The following PRKG1 variants were observed in gnomAD, a reference collection of about 807,000 sequenced individuals.
PRKG1 encodes the protein protein kinase cGMP-dependent 1.
Under a neutral mutation model 88.1 loss-of-function variants are expected in PRKG1, and 35 were observed. The ratio of observed to expected loss-of-function variants is 0.40; its 90% confidence interval spans 0.30 to 0.53. PRKG1 has a LOEUF of 0.53. Among genes scored for constraint, PRKG1 ranks in the 20% least tolerant of loss-of-function variants. The pLI, the probability that PRKG1 is intolerant of heterozygous loss-of-function variation, is 0.59. For missense variants in PRKG1, 540 were observed against 839.8 expected (o/e 0.64, Z 4.41); for synonymous variants, 303 against 292.5 (o/e 1.04, Z -0.37).
At chr10:51,910,371 C>T (rs1332031467) in intron 5 of PRKG1, 1 of 152,122 alleles carries the variant, frequency 6.6e-6, no homozygotes, top group Non-Finnish European at 1.5e-5. Context: ...GGATCTGTCT[C>T]TTTTCTTCTA....
chr10:51,561,354 A>G (rs777934552), intron 3 of PRKG1, among the ~76,000 whole-genome samples: 14 of 152,058 alleles, frequency 9.2e-5, no homozygotes, highest in Admixed American at 7.2e-4. Context: ...ATTAAAAAAG[A>G]AAAACAGATT....
intron 9 of PRKG1, among the ~76,000 whole-genome samples, chr10:52,167,621 T>A (rs1292188919): frequency 7.4e-6 from 1 of 134,910 alleles, no homozygotes; most frequent in Non-Finnish European, 1.7e-5. Context: ...CTCAATTACC[T>A]TTTAAGGAAA....
At chr10:51,276,764 T>C (rs569696596) in intron 2 of PRKG1, among the ~76,000 whole-genome samples, 60 of 152,364 alleles carry the variant, frequency 3.9e-4, no homozygotes, top group African/African-American at 1.3e-3. Flanking sequence ...AAATGTCTTC[T>C]TTTGAGAAGT....
At chr10:51,235,403 G>C (rs1838958564) in intron 2 of PRKG1, among the ~76,000 whole-genome samples, 1 of 105,914 alleles carries the variant, frequency 9.4e-6, no homozygotes, top group African/African-American at 4.9e-5. Flanking sequence ...ACATCTTGCA[G>C]AAAAACAAAC....
chr10:52,046,137 G>A (rs1845857299), intron 5 of PRKG1, among the ~76,000 whole-genome samples: 1 of 152,012 alleles, frequency 6.6e-6, no homozygotes, highest in African/African-American at 2.4e-5. Context: ...AGGAGAGAAT[G>A]GTAAAGACAT....
Position 51,410,258 on chromosome 10 carries a change from G to GTA in PRKG1, c.479-57453_479-57452dup, listed in dbSNP as rs1554805783. Among the ~76,000 whole-genome samples, 520 of 145,524 alleles carry GTA rather than the reference G, an allele frequency of 3.6e-3. 3 individuals are homozygous for GTA. Among genetic ancestry groups the GTA allele is most frequent in the Middle Eastern group, 0.014 (4 of 288 alleles). On this transcript the variant is annotated intron_variant, in intron 2 of 17. Coordinates refer to ENST00000373980, the MANE Select transcript of PRKG1 (RefSeq NM_006258.4). ...TGTGTATGTGTGTGTGTGTGTGTGT[G>GTA]TATATATATATATGTGTGTGTGTGT...
chr10:52,162,110 A>G, intron 9 of PRKG1, 147 bp downstream of exon 9: 1 of 669,828 alleles, frequency 1.5e-6, no homozygotes. Flanking sequence ...CTTCAAGATA[A>G]TTATTACACG....
At chr10:51,743,717 TATATATATAATATAAACTAA>T (rs1404502400) in intron 3 of PRKG1, among the ~76,000 whole-genome samples, 1,967 of 69,440 alleles carry the variant, frequency 0.028, 52 homozygotes, top group African/African-American at 0.056. Context: ...ACTAAATATA[TATATATATAATATAAACTAA>T]ATATATATAT....
At chr10:52,081,781 G>A in intron 7 of PRKG1, 1 of 411,048 alleles carries the variant, frequency 2.4e-6, no homozygotes, top group Admixed American at 2.9e-5. Flanking sequence ...TGGTCGGTAT[G>A]GTCCTCATTG....
chr10:51,601,973 A>C (rs933776689), intron 3 of PRKG1, among the ~76,000 whole-genome samples: 6 of 151,802 alleles, frequency 4.0e-5, no homozygotes, highest in Non-Finnish European at 2.9e-5. Context: ...ATCATTTGTC[A>C]CAGATTTTTT....
intron 4 of PRKG1, among the ~76,000 whole-genome samples, chr10:51,850,269 C>T (rs1028469023): frequency 3.9e-5 from 6 of 152,248 alleles, no homozygotes; most frequent in African/African-American, 7.2e-5. Flanking sequence ...CTCTGCATCC[C>T]GGGTTCAAGC....
chr10:51,662,232 A>G (rs1840317855), intron 3 of PRKG1, among the ~76,000 whole-genome samples: 1 of 152,104 alleles, frequency 6.6e-6, no homozygotes. Context: ...ATACTTTTAA[A>G]AAATTGAAGT....
intron 9 of PRKG1, among the ~76,000 whole-genome samples, chr10:52,229,576 A>T (rs1840474857): frequency 6.6e-6 from 1 of 152,168 alleles, no homozygotes; most frequent in Non-Finnish European, 1.5e-5. Flanking sequence ...CTCAGAGAGG[A>T]CATCTCAGAC....
chr10:51,297,695 A>C (rs889917888), intron 2 of PRKG1, among the ~76,000 whole-genome samples: 4 of 151,496 alleles, frequency 2.6e-5, no homozygotes, highest in Non-Finnish European at 4.4e-5. Flanking sequence ...CTAATTATTC[A>C]CTGATCAATC....
At chr10:52,132,136 GA>G (rs1306307780) in intron 7 of PRKG1, among the ~76,000 whole-genome samples, 1 of 152,032 alleles carries the variant, frequency 6.6e-6, no homozygotes, top group African/African-American at 2.4e-5. Flanking sequence ...TTAAAGATAT[GA>G]AATTATATCT....
chr10:51,757,755 A>T (rs531934919), intron 3 of PRKG1, among the ~76,000 whole-genome samples: 115 of 152,322 alleles, frequency 7.5e-4, no homozygotes, highest in African/African-American at 2.5e-3. Context: ...TTTTAAAATG[A>T]TATGTTCTGG....
At position 51,460,665 on chromosome 10, in the gene PRKG1, G is replaced by A. The variant is rs1839721441; in HGVS notation, c.479-7058G>A. On this transcript the variant is annotated intron_variant, in intron 2 of 17. Coordinates refer to ENST00000373980, the MANE Select transcript of PRKG1 (RefSeq NM_006258.4). ...CTAACATTTCAAAAGATAATGCACA[G>A]AAAGCTTATGGAATCATGATGCTGG... is the stretch of plus-strand genomic sequence containing the variant. 2.0e-5 allele frequency among the ~76,000 whole-genome samples: 3 copies of A among 152,184 alleles called. No homozygotes were observed. The South Asian group carries it at 6.2e-4, about 31-fold the overall frequency.
At chr10:51,915,404 T>C (rs11000112) in intron 5 of PRKG1, among the ~76,000 whole-genome samples, 55,872 of 152,154 alleles carry the variant, frequency 0.37, 10,763 homozygotes, top group Non-Finnish European at 0.41. Context: ...GTTTCTGTTC[T>C]TTCTCAATTG....
intron 2 of PRKG1, among the ~76,000 whole-genome samples, chr10:51,396,934 A>T (rs1837591995): frequency 6.6e-6 from 1 of 152,192 alleles, no homozygotes; most frequent in Non-Finnish European, 1.5e-5. Flanking sequence ...GCAATATTTT[A>T]AAAATCACTA....
Sources: gnomAD v4.1 joint callset for allele counts (sites outside exome capture counted in the v4.1 genomes callset) on GRCh38, gnomAD v4.1.1 for gene constraint, MANE v1.5 for transcripts, NCBI Gene and HGNC (gene_info 2026-07-23, HGNC 2026-07-21) for gene names.